RASEF: variants seen among roughly 807,000 people sequenced by gnomAD.
RASEF encodes the protein ras and EF-hand domain-containing protein.
Under a neutral mutation model 90.1 loss-of-function variants are expected in RASEF, and 68 were observed. That is an observed-to-expected ratio of 0.75 (90% CI 0.62 to 0.92). RASEF has a LOEUF of 0.92. Ranked by LOEUF, RASEF falls within the 40% of genes least tolerant of loss-of-function variation. RASEF has a pLI of 0.00. For synonymous variants in RASEF, 331 were observed against 345.2 expected (o/e 0.96, Z 0.46); for missense variants, 949 against 937.2 (o/e 1.01, Z -0.16).
the RASEF span, among the ~76,000 whole-genome samples, chr9:83,103,809 T>C: frequency 2.6e-5 from 4 of 152,216 alleles, no homozygotes; most frequent in African/African-American, 4.8e-5. Flanking sequence ...CAAATATCTA[T>C]AGGCTAATAT....
chr9:83,172,403 C>T, the RASEF span, among the ~76,000 whole-genome samples: 24 of 151,690 alleles, frequency 1.6e-4, no homozygotes, highest in Admixed American at 1.6e-3. Context: ...GGACTTACTA[C>T]TGTCATTTTG....
chr9:83,086,337 T>C, the RASEF span, among the ~76,000 whole-genome samples: 7 of 152,246 alleles, frequency 4.6e-5, 1 homozygote, highest in South Asian at 1.5e-3. Context: ...TAAATATCCA[T>C]AAAGGGGCTG....
At chr9:83,197,202 T>A in the RASEF span, among the ~76,000 whole-genome samples, 2 of 152,244 alleles carry the variant, frequency 1.3e-5, no homozygotes, top group Non-Finnish European at 2.9e-5. Context: ...GAAAGACTGA[T>A]CTGCAGAGAG....
At chr9:83,081,672 A>T in the RASEF span, among the ~76,000 whole-genome samples, 4 of 152,224 alleles carry the variant, frequency 2.6e-5, no homozygotes, top group Admixed American at 2.6e-4. Context: ...AGAATAGAAC[A>T]TTCTTTTCTT....
At chr9:83,056,090 A>T (rs946317337) in intron 1 of RASEF, among the ~76,000 whole-genome samples, 4 of 152,174 alleles carry the variant, frequency 2.6e-5, no homozygotes, top group African/African-American at 9.7e-5. Context: ...GCACTACTGG[A>T]GCTGTATATC....
rs374126677 is a variant in RASEF at position 83,048,491 on chromosome 9, G to GT, written c.431+13945dup. On this transcript the variant is annotated intron_variant, in intron 1 of 16. Coordinates refer to ENST00000376447, the MANE Select transcript of RASEF (RefSeq NM_152573.4). ...ACTTTTGGCAGGAGACTATTTCTAA[G>GT]TACTCAGTGCCTCGTGCAGTCCTGG... 8.9e-3 allele frequency: 8,742 copies of GT among 985,112 alleles called. 40 individuals carry two copies. The highest frequency in any genetic ancestry group is 9.6e-3 in the Non-Finnish European group (7,946 of 829,894). 61.0% of individuals were successfully genotyped at this position (985,112 alleles called of 1,614,324 possible).
Position 82,990,390 on chromosome 9 carries a change from C to T in RASEF, c.2117+1G>A, listed in dbSNP as rs1828790153. The T allele has an allele frequency of 1.9e-6, 3 of 1,610,836 alleles. No individual in the cohort carries two copies. Among genetic ancestry groups the T allele is most frequent in the East Asian group, 2.2e-5 (1 of 44,814 alleles). ...CCTACATCCATTTTCCCAAACTTTACCGAGCAAGGTGCAGAACAGCCTCCA... is the reference window on the plus strand; with the variant it reads ...CCTACATCCATTTTCCCAAACTTTATCGAGCAAGGTGCAGAACAGCCTCCA... On this transcript the variant is annotated splice_donor_variant, in intron 16 of 16. Coordinates refer to ENST00000376447, the MANE Select transcript of RASEF (RefSeq NM_152573.4). LOFTEE classifies it high-confidence loss of function.
the RASEF span, among the ~76,000 whole-genome samples, chr9:83,180,683 T>G: frequency 4.0e-4 from 61 of 152,222 alleles, no homozygotes; most frequent in East Asian, 0.011. Context: ...CTGTTCAATT[T>G]TAAACAGTCA....
the RASEF span, among the ~76,000 whole-genome samples, chr9:83,131,522 ATAAG>A: frequency 6.6e-6 from 1 of 152,210 alleles, no homozygotes; most frequent in African/African-American, 2.4e-5. Flanking sequence ...AAGCTTATTG[ATAAG>A]TGTCTCAAAA....
chr9:83,125,377 A>G, the RASEF span, among the ~76,000 whole-genome samples: 84 of 152,272 alleles, frequency 5.5e-4, no homozygotes, highest in African/African-American at 1.7e-3. Flanking sequence ...ACTGACATGG[A>G]TTTTGGACTT....
At chr9:83,201,039 T>C in the RASEF span, 2 of 152,240 alleles carry the variant, frequency 1.3e-5, no homozygotes, top group African/African-American at 4.8e-5. Context: ...ATGCAGCTAA[T>C]GTAGACTTGT....
chr9:83,158,294 TGTTA>T, the RASEF span, among the ~76,000 whole-genome samples: 36 of 152,190 alleles, frequency 2.4e-4, no homozygotes, highest in African/African-American at 8.4e-4. Context: ...GTGAATGCAC[TGTTA>T]ATTAATTTAA....
chr9:83,038,312 C>T (rs1055956255), intron 1 of RASEF, among the ~76,000 whole-genome samples: 3 of 151,998 alleles, frequency 2.0e-5, no homozygotes, highest in Admixed American at 2.0e-4. Flanking sequence ...TTACGATATC[C>T]TCCACTTAGA....
Position 83,062,775 on chromosome 9 carries a change from C to G in RASEF, c.93G>C (p.Glu31Asp). Residue 31 changes from glutamate (E) to aspartate (D), a missense_variant, in exon 1 of 17, where the codon GAG (glutamate) becomes GAC (aspartate). By Grantham distance (45) the Glu-to-Asp change is conservative. Coordinates refer to ENST00000376447, the MANE Select transcript of RASEF (RefSeq NM_152573.4). ...GCTCCGTGCACAGTGCCCGGAACTCCTCGCGCTCCAGGCGCCCCGAGCGGT... is the reference window on the plus strand; with the variant it reads ...GCTCCGTGCACAGTGCCCGGAACTCGTCGCGCTCCAGGCGCCCCGAGCGGT... The part of the protein sequence containing the change: ...DANRSGRLER[E>D]EFRALCTELR... The G allele has an allele frequency of 6.4e-7, 1 of 1,559,370 alleles. No homozygotes were observed. The highest frequency in any genetic ancestry group is 1.2e-5 in the South Asian group (1 of 85,524).
chr9:83,154,323 C>T, the RASEF span, among the ~76,000 whole-genome samples: 1 of 152,172 alleles, frequency 6.6e-6, no homozygotes, highest in Non-Finnish European at 1.5e-5. Context: ...CTCCTTTGGC[C>T]TCTTTGCTTT....
intron 1 of RASEF, among the ~76,000 whole-genome samples, chr9:83,032,617 G>A (rs1255847690): frequency 6.6e-6 from 1 of 152,174 alleles, no homozygotes; most frequent in Non-Finnish European, 1.5e-5. Flanking sequence ...TTATCTTCTT[G>A]TTCAATAAAT....
At chr9:83,065,626 G>A (rs1830276616), upstream of RASEF, among the ~76,000 whole-genome samples, 1 of 152,152 alleles carries the variant, frequency 6.6e-6, no homozygotes, top group South Asian at 2.1e-4. Flanking sequence ...TTCATTGGAG[G>A]CTCTTACTGT....
At position 83,062,490 on chromosome 9, in the gene RASEF, C is replaced by G; in HGVS notation, c.378G>C (p.Arg126=). The change falls in exon 1 of 17, where the codon CGG becomes CGC. Residue 126 remains arginine, a synonymous_variant. Transcript: ENST00000376447. ...ATSCGPASPG[R]AWQDFQARLG... ...GTCGCGCCTGGAAATCCTGCCAAGC[C>G]CGGCCGGGACTCGCCGGGCCGCACG... 1 of 1,612,160 alleles carries G rather than the reference C, an allele frequency of 6.2e-7. No individual in the cohort carries two copies. Among genetic ancestry groups the G allele is most frequent in the African/African-American group, 1.3e-5 (1 of 75,030 alleles).
At chr9:83,013,914 T>C (rs1829295715) in intron 4 of RASEF, among the ~76,000 whole-genome samples, 1 of 152,228 alleles carries the variant, frequency 6.6e-6, no homozygotes, top group African/African-American at 2.4e-5. Context: ...AGAAAGATGA[T>C]GTGAACTATC....
Sources: gnomAD v4.1 joint callset for allele counts (sites outside exome capture counted in the v4.1 genomes callset) on GRCh38, gnomAD v4.1.1 for gene constraint, MANE v1.5 for transcripts, NCBI Gene and HGNC (gene_info 2026-07-23, HGNC 2026-07-21) for gene names.